The following FAM13A variants were observed in gnomAD, a reference collection of about 807,000 sequenced individuals.
FAM13A encodes the protein protein FAM13A.
Under a neutral mutation model 129.6 loss-of-function variants are expected in FAM13A, and 76 were observed. The observed-to-expected ratio is 0.59, with a 90% CI of 0.49 to 0.71. The LOEUF (loss-of-function observed/expected upper bound fraction) is 0.71. Ranked by LOEUF, FAM13A falls within the 30% of genes least tolerant of loss-of-function variation. The pLI is 0.00. For missense variants in FAM13A, 1,108 were observed against 1,249.3 expected, an observed-to-expected ratio of 0.89 and a Z score of 1.70; for synonymous variants, 443 against 449.9, an observed-to-expected ratio of 0.98 and a Z score of 0.20.
At chr4:88,978,982 A>G (rs566883934) in intron 4 of FAM13A, among the ~76,000 whole-genome samples, 1 of 152,350 alleles carries the variant, frequency 6.6e-6, no homozygotes, top group East Asian at 1.9e-4. Context: ...CAATACATTA[A>G]TAGTTGTATT....
intron 2 of FAM13A, among the ~76,000 whole-genome samples, chr4:89,024,989 T>C (rs928163390): frequency 3.3e-5 from 5 of 152,180 alleles, no homozygotes; most frequent in African/African-American, 1.2e-4. Flanking sequence ...TAGTTTGCAT[T>C]ACCCGAATAC....
chr4:89,023,559 T>C (rs1476465281), intron 2 of FAM13A, among the ~76,000 whole-genome samples: 1 of 152,178 alleles, frequency 6.6e-6, no homozygotes, highest in Non-Finnish European at 1.5e-5. Context: ...AGAACTGTCT[T>C]GTGGTCCTCA....
At chr4:88,954,245 T>A (rs1399815680) in intron 4 of FAM13A, among the ~76,000 whole-genome samples, 1 of 152,218 alleles carries the variant, frequency 6.6e-6, no homozygotes. Flanking sequence ...AGCTTAATAC[T>A]TATTAACAAA....
chr4:88,787,362 C>T (rs1407802016), intron 10 of FAM13A, among the ~76,000 whole-genome samples: 1 of 151,998 alleles, frequency 6.6e-6, no homozygotes, highest in Non-Finnish European at 1.5e-5. Context: ...AAATCAGCTG[C>T]TCCATAAACA....
intron 4 of FAM13A, among the ~76,000 whole-genome samples, chr4:88,969,428 G>C (rs892453680): frequency 2.4e-4 from 36 of 152,078 alleles, no homozygotes; most frequent in African/African-American, 8.4e-4. Context: ...CAAGCAGCTT[G>C]GCTCTAAAAG....
intron 1 of FAM13A, among the ~76,000 whole-genome samples, chr4:89,034,565 A>G (rs775483133): frequency 1.3e-5 from 2 of 152,224 alleles, no homozygotes; most frequent in Non-Finnish European, 2.9e-5. Flanking sequence ...CAGAGATCCT[A>G]TTACTGGGTA....
intron 4 of FAM13A, among the ~76,000 whole-genome samples, chr4:88,971,167 G>A (rs535670910): frequency 2.0e-5 from 3 of 152,166 alleles, no homozygotes; most frequent in Non-Finnish European, 4.4e-5. Context: ...GCAGAGAGCC[G>A]AGATCGCGCC....
chr4:88,939,621 T>TAGATAGA (rs1754422964), intron 4 of FAM13A, among the ~76,000 whole-genome samples: 1 of 152,176 alleles, frequency 6.6e-6, no homozygotes, highest in South Asian at 2.1e-4. Context: ...CACTTGGGTG[T>TAGATAGA]AGATAGAACC....
chr4:88,926,898 G>T (rs1348258361), intron 5 of FAM13A, among the ~76,000 whole-genome samples: 1 of 151,996 alleles, frequency 6.6e-6, no homozygotes, highest in African/African-American at 2.4e-5. Flanking sequence ...TATAATTAGG[G>T]GGACAGGTGC....
intron 5 of FAM13A, among the ~76,000 whole-genome samples, chr4:88,906,686 CAGT>C (rs571054202): frequency 2.5e-4 from 38 of 152,244 alleles, no homozygotes; most frequent in Admixed American, 2.4e-3. Context: ...GAGAGATGTA[CAGT>C]ACATATATTC....
chr4:88,807,962 T>G (rs948892069), intron 7 of FAM13A, among the ~76,000 whole-genome samples: 53 of 152,168 alleles, frequency 3.5e-4, no homozygotes, highest in Non-Finnish European at 6.2e-4. Context: ...ATGTAAGCAC[T>G]GAAATTTAAG....
chr4:88,817,095 GA>G (rs1316462622), intron 7 of FAM13A, among the ~76,000 whole-genome samples: 2 of 152,100 alleles, frequency 1.3e-5, no homozygotes, highest in East Asian at 3.9e-4. Flanking sequence ...GATGAATCTT[GA>G]AAACATTATA....
intron 6 of FAM13A, among the ~76,000 whole-genome samples, chr4:88,891,022 C>G (rs1745223424): frequency 6.6e-6 from 1 of 151,974 alleles, no homozygotes; most frequent in Admixed American, 6.6e-5. Context: ...ACATCAAAAA[C>G]AAATAAGCCA....
chr4:89,029,418 G>T (rs758440972), intron 2 of FAM13A, 42 bp downstream of exon 2: 1 of 1,465,452 alleles, frequency 6.8e-7, no homozygotes, highest in Non-Finnish European at 9.4e-7. Flanking sequence ...GTTTATGCAA[G>T]GGACTGTGAA....
chr4:88,851,254 A>G, intron 6 of FAM13A, 71 bp from the exon 7 acceptor site: 1 of 1,338,800 alleles, frequency 7.5e-7, no homozygotes, highest in South Asian at 1.6e-5. Flanking sequence ...TAAGTTTATG[A>G]TAAAAGACAA....
intron 6 of FAM13A, among the ~76,000 whole-genome samples, chr4:88,865,305 G>A (rs1477714074): frequency 2.0e-5 from 3 of 152,142 alleles, no homozygotes; most frequent in Non-Finnish European, 2.9e-5. Flanking sequence ...GGAATTTTAA[G>A]CATAGTGTTG....
intron 4 of FAM13A, among the ~76,000 whole-genome samples, chr4:88,985,687 A>G (rs1762141288): frequency 6.6e-6 from 1 of 152,176 alleles, no homozygotes; most frequent in Non-Finnish European, 1.5e-5. Context: ...CAAAAATCTC[A>G]TATTTAGGAA....
At chr4:88,878,569 TTTC>T (rs1279184111) in intron 6 of FAM13A, among the ~76,000 whole-genome samples, 1 of 151,892 alleles carries the variant, frequency 6.6e-6, no homozygotes, top group Non-Finnish European at 1.5e-5. Flanking sequence ...AGAACTTTGT[TTTC>T]TTATTTAAAA....
chr4:88,943,936 C>A (rs953466015), intron 4 of FAM13A, among the ~76,000 whole-genome samples: 2 of 152,114 alleles, frequency 1.3e-5, no homozygotes, highest in South Asian at 4.1e-4. Flanking sequence ...TAGTTTACAG[C>A]AATTTGGTAA....
Sources: allele counts gnomAD v4.1 joint callset (sites outside exome capture counted in the v4.1 genomes callset), GRCh38; gene constraint gnomAD v4.1.1; transcripts MANE v1.5; gene names NCBI Gene and HGNC (gene_info 2026-07-23, HGNC 2026-07-21).